The following GATAD2A variants were observed in gnomAD, a reference collection of about 807,000 sequenced individuals.
GATAD2A encodes transcriptional repressor p66-alpha.
In GATAD2A, 12 loss-of-function variants were observed where a neutral mutation model predicts 68.5. The observed-to-expected ratio is 0.18, with a 90% CI of 0.11 to 0.28. The LOEUF is 0.28. GATAD2A is among the 10% of genes least tolerant of loss of function. The pLI is 1.00. For missense variants in GATAD2A, 755 were observed against 868.5 expected (o/e 0.87, Z 1.64); for synonymous variants, 410 against 375.3 (o/e 1.09, Z -1.07).
intron 1 of GATAD2A, among the ~76,000 whole-genome samples, chr19:19,407,120 ACCT>A (rs1262500352): frequency 6.6e-5 from 10 of 152,240 alleles, no homozygotes; most frequent in Admixed American, 5.2e-4. Context: ...ACACAGTGAC[ACCT>A]CCTGGCTGTG....
At chr19:19,453,504 G>A (rs1387753218) in intron 1 of GATAD2A, among the ~76,000 whole-genome samples, 1 of 151,988 alleles carries the variant, frequency 6.6e-6, no homozygotes, top group African/African-American at 2.4e-5. Flanking sequence ...TCTGTCCGCT[G>A]TGCCCCCCAC....
intron 2 of GATAD2A, among the ~76,000 whole-genome samples, chr19:19,481,531 G>T (rs1302610737): frequency 6.6e-6 from 1 of 152,076 alleles, no homozygotes; most frequent in Non-Finnish European, 1.5e-5. Flanking sequence ...TCACTGTGTT[G>T]CCCAGGCTGG....
intron 1 of GATAD2A, chr19:19,440,629 G>A (rs1465586854): frequency 6.5e-6 from 1 of 153,164 alleles, no homozygotes; most frequent in African/African-American, 2.4e-5. Context: ...AGAGGGCACT[G>A]GGAGACTTTT....
intron 1 of GATAD2A, among the ~76,000 whole-genome samples, chr19:19,439,410 C>A (rs567001308): frequency 1.6e-4 from 25 of 152,214 alleles, no homozygotes; most frequent in African/African-American, 6.0e-4. Context: ...ATATAAGAAT[C>A]CTGCACGTTG....
chr19:19,498,702 A>G lies in GATAD2A; in HGVS notation c.1184A>G (p.Gln395Arg). 6.2e-7 allele frequency: 1 copy of G among 1,612,264 alleles called. No individual in the cohort carries two copies. The highest frequency in any genetic ancestry group is 8.5e-7 in the Non-Finnish European group (1 of 1,179,060). The change falls in exon 8 of 12, where the codon CAG (glutamine) becomes CGG (arginine). Residue 395 changes from glutamine to arginine, a missense_variant. Transcript: ENST00000683918. ...CTGGTCGGCCTGGAGGAGGTGGTGC[A>G]GAACCTACTGGAGACACAAGGTGAG... ...IYLVGLEEVV[Q>R]NLLETQAGRM...
intron 1 of GATAD2A, among the ~76,000 whole-genome samples, chr19:19,387,934 A>G (rs990740057): frequency 6.6e-6 from 1 of 151,968 alleles, no homozygotes; most frequent in African/African-American, 2.4e-5. Flanking sequence ...CACTTCCCTG[A>G]GGGGTCCCTC....
At chr19:19,459,455 A>G (rs553845439) in intron 1 of GATAD2A, among the ~76,000 whole-genome samples, 29 of 149,868 alleles carry the variant, frequency 1.9e-4, no homozygotes, top group Admixed American at 1.1e-3. Flanking sequence ...TTCACATAGC[A>G]TTGTCTGTGA....
At chr19:19,386,284 C>G (rs1028994714) in intron 1 of GATAD2A, 1 of 153,274 alleles carries the variant, frequency 6.5e-6, no homozygotes, top group South Asian at 2.1e-4. Flanking sequence ...TGCTCTGGGC[C>G]CCCCCGCCTC....
Position 19,492,357 on chromosome 19 carries a change from C to T in GATAD2A, c.321C>T (p.Ser107=), listed in dbSNP as rs781233188. The T allele has an allele frequency of 1.2e-6, 2 of 1,611,372 alleles. No homozygotes were observed. The highest frequency in any genetic ancestry group is 4.5e-5 in the East Asian group (2 of 44,772). ...RPPSPDVIVL[S]DNEQPSSPRV... ...CCTCACCTGACGTGATTGTGCTCTC[C>T]GACAACGAGCAGCCCTCGAGCCCGA... The change falls in exon 3 of 12, where the codon TCC becomes TCT. Residue 107 remains serine, a synonymous_variant. Transcript: ENST00000683918.
intron 1 of GATAD2A, among the ~76,000 whole-genome samples, chr19:19,460,917 G>A (rs778466083): frequency 1.3e-4 from 20 of 152,160 alleles, no homozygotes; most frequent in Non-Finnish European, 2.5e-4. Flanking sequence ...GCTGGCTTCC[G>A]GTGCCGCCCG....
At chr19:19,444,793 C>T (rs576825734) in intron 1 of GATAD2A, among the ~76,000 whole-genome samples, 5 of 151,166 alleles carry the variant, frequency 3.3e-5, no homozygotes, top group Non-Finnish European at 5.9e-5. Context: ...ATTGCTTGAG[C>T]CCTGGAGGTT....
At chr19:19,460,450 G>A (rs911313170) in intron 1 of GATAD2A, among the ~76,000 whole-genome samples, 4 of 152,198 alleles carry the variant, frequency 2.6e-5, no homozygotes, top group Non-Finnish European at 5.9e-5. Context: ...GTCATCATCT[G>A]ACTCAGCACT....
At chr19:19,471,865 G>A (rs764555639) in intron 2 of GATAD2A, among the ~76,000 whole-genome samples, 5 of 151,704 alleles carry the variant, frequency 3.3e-5, no homozygotes, top group Non-Finnish European at 7.4e-5. Flanking sequence ...ACTGTCAGAT[G>A]AGGCTGGAGC....
intron 1 of GATAD2A, among the ~76,000 whole-genome samples, chr19:19,430,711 G>T (rs559460071): frequency 6.6e-6 from 1 of 152,144 alleles, no homozygotes; most frequent in Non-Finnish European, 1.5e-5. Flanking sequence ...CACCATCACT[G>T]TACCAGCCAT....
intron 1 of GATAD2A, among the ~76,000 whole-genome samples, chr19:19,455,348 G>GGCGT (rs773823109): frequency 3.3e-5 from 5 of 152,146 alleles, no homozygotes; most frequent in Non-Finnish European, 7.3e-5. Flanking sequence ...AAGTTAGCCA[G>GGCGT]GCGTGGTGGC....
intron 1 of GATAD2A, among the ~76,000 whole-genome samples, chr19:19,451,707 A>G (rs2056406802): frequency 6.6e-6 from 1 of 152,200 alleles, no homozygotes; most frequent in African/African-American, 2.4e-5. Context: ...CAACTTGGTG[A>G]TTCCGGCCCT....
intron 1 of GATAD2A, among the ~76,000 whole-genome samples, chr19:19,453,679 A>AT (rs1216657447): frequency 6.3e-4 from 88 of 139,074 alleles, no homozygotes; most frequent in African/African-American, 1.8e-3. Flanking sequence ...ATTTTTTTAA[A>AT]ATTTTTTTTT....
intron 2 of GATAD2A, among the ~76,000 whole-genome samples, chr19:19,475,031 G>T (rs557497660): frequency 2.0e-5 from 3 of 152,354 alleles, no homozygotes; most frequent in Non-Finnish European, 4.4e-5. Context: ...AGTTGCTGGT[G>T]CCACAGAACC....
chr19:19,394,425 C>G (rs1269597160), intron 1 of GATAD2A, among the ~76,000 whole-genome samples: 2 of 150,590 alleles, frequency 1.3e-5, no homozygotes, highest in African/African-American at 2.4e-5. Context: ...GCATGGATTT[C>G]CCTCTGCCCG....
Sources: allele counts gnomAD v4.1 joint callset (sites outside exome capture counted in the v4.1 genomes callset), GRCh38; gene constraint gnomAD v4.1.1; transcripts MANE v1.5; gene names NCBI Gene and HGNC (gene_info 2026-07-23, HGNC 2026-07-21).